ARID5B: variants seen among roughly 807,000 people sequenced by gnomAD.
The protein encoded by ARID5B is AT-rich interactive domain-containing protein 5B.
A neutral mutation model predicts 97.2 loss-of-function variants in ARID5B; 13 were observed. The ratio of observed to expected loss-of-function variants is 0.13; its 90% CI spans 0.09 to 0.21. The LOEUF is 0.21. ARID5B is among the 10% of genes least tolerant of loss of function. The pLI is 1.00. For synonymous variants in ARID5B, 556 were observed against 570.3 expected (o/e 0.97, Z 0.36); for missense variants, 1,210 against 1,465.3 (o/e 0.83, Z 2.84).
chr10:61,902,733 G>C (rs1415947088), intron 2 of ARID5B, among the ~76,000 whole-genome samples: 2 of 151,504 alleles, frequency 1.3e-5, no homozygotes, highest in African/African-American at 4.9e-5. Flanking sequence ...TTGCTCTCCT[G>C]CTATTGCCTC....
chr10:61,926,823 A>G (rs1468303790), intron 2 of ARID5B, among the ~76,000 whole-genome samples: 1 of 151,974 alleles, frequency 6.6e-6, no homozygotes, highest in South Asian at 2.1e-4. Flanking sequence ...ATGGGGTTTC[A>G]TCGTGTTGGC....
intron 2 of ARID5B, among the ~76,000 whole-genome samples, chr10:61,921,913 C>T (rs1017490924): frequency 6.6e-6 from 1 of 152,148 alleles, no homozygotes; most frequent in African/African-American, 2.4e-5. Flanking sequence ...GTGACCACGG[C>T]TCACTGCAGC....
At chr10:62,072,108 C>T (rs537405371) in intron 8 of ARID5B, among the ~76,000 whole-genome samples, 58 of 152,168 alleles carry the variant, frequency 3.8e-4, no homozygotes, top group Non-Finnish European at 5.1e-4. Flanking sequence ...GGAGAATGTG[C>T]CTCAGAGCTG....
intron 5 of ARID5B, among the ~76,000 whole-genome samples, chr10:62,053,622 G>T (rs1839819656): frequency 1.3e-5 from 2 of 152,132 alleles, no homozygotes; most frequent in South Asian, 4.1e-4. Flanking sequence ...ATCTATAACA[G>T]AAATCTTCAT....
At chr10:61,954,507 G>T (rs2132814648) in intron 3 of ARID5B, among the ~76,000 whole-genome samples, 1 of 152,190 alleles carries the variant, frequency 6.6e-6, no homozygotes, top group South Asian at 2.1e-4. Flanking sequence ...ATGCTAGTTG[G>T]CTAGAAAATT....
At chr10:62,034,107 T>C (rs1421411145) in intron 4 of ARID5B, among the ~76,000 whole-genome samples, 2 of 152,218 alleles carry the variant, frequency 1.3e-5, no homozygotes, top group Non-Finnish European at 2.9e-5. Flanking sequence ...CGGGATGTCG[T>C]CCTTTTCTGG....
In ARID5B at chr10:62,048,449, C is replaced by A. The variant is rs888902063; in HGVS notation, c.734-2439C>A. On this transcript the variant is annotated intron_variant, in intron 4 of 9. Transcript: ENST00000279873. ...GTAGGAGAGGAATTTGATTTTGAGT[C>A]CTGAATGACTGGTAGGATTTGCCTA... 3.7e-4 allele frequency among the ~76,000 whole-genome samples: 56 copies of A among 152,272 alleles called. 1 individual carries two copies. Among genetic ancestry groups the A allele is most frequent in the Admixed American group, 1.0e-3 (16 of 15,298 alleles).
chr10:61,957,709 T>TGTTTG (rs1838411193), intron 3 of ARID5B, among the ~76,000 whole-genome samples: 1 of 152,246 alleles, frequency 6.6e-6, no homozygotes, highest in African/African-American at 2.4e-5. Flanking sequence ...CATGTTGAAA[T>TGTTTG]AATATTTTTG....
At chr10:61,990,666 T>A (rs372042929) in intron 3 of ARID5B, among the ~76,000 whole-genome samples, 2 of 152,282 alleles carry the variant, frequency 1.3e-5, no homozygotes, top group African/African-American at 4.8e-5. Context: ...ACACCACTTT[T>A]CCTCCCCAGA....
rs370212394 is a variant in ARID5B, at chr10:62,096,200, C to T, written c.*3170C>T. The T allele has an allele frequency of 1.7e-5, 4 of 233,404 alleles. No individual in the cohort carries two copies. The allele number at this position is 233,404 out of a possible 1,614,324, so 14.5% of individuals were successfully genotyped here. ...ATATACAGAAGGGTTTGTTAAAACT[C>T]GATGTTAACTTTACAACTTTCTGAC... On this transcript the variant is annotated 3_prime_UTR_variant, in exon 10 of 10. Transcript: ENST00000279873.
At chr10:62,061,078 G>A (rs1306885392) in intron 7 of ARID5B, among the ~76,000 whole-genome samples, 1 of 152,212 alleles carries the variant, frequency 6.6e-6, no homozygotes, top group African/African-American at 2.4e-5. Context: ...TATTTACTGA[G>A]TACCTTATGT....
chr10:62,036,198 A>G (rs1839561947), intron 4 of ARID5B, among the ~76,000 whole-genome samples: 1 of 152,162 alleles, frequency 6.6e-6, no homozygotes, highest in Admixed American at 6.5e-5. Context: ...ATGTCAGAGG[A>G]AGCCCAGGAA....
At chr10:62,084,667 A>G (rs1438246846) in intron 8 of ARID5B, among the ~76,000 whole-genome samples, 2 of 152,262 alleles carry the variant, frequency 1.3e-5, no homozygotes, top group Non-Finnish European at 2.9e-5. Flanking sequence ...TTGTAATGCA[A>G]TCCATCCCTT....
intron 4 of ARID5B, among the ~76,000 whole-genome samples, chr10:62,043,121 T>A (rs1839662767): frequency 6.6e-6 from 1 of 152,106 alleles, no homozygotes; most frequent in Non-Finnish European, 1.5e-5. Context: ...CAAGAATGGT[T>A]TCCCCTGGAG....
At chr10:62,072,012 A>G (rs973422307) in intron 8 of ARID5B, among the ~76,000 whole-genome samples, 1 of 152,232 alleles carries the variant, frequency 6.6e-6, no homozygotes, top group Non-Finnish European at 1.5e-5. Context: ...GGTGTGAGGC[A>G]CTAAGTTAAC....
chr10:62,092,096 A>G lies in ARID5B; in HGVS notation c.2633A>G (p.Lys878Arg), dbSNP rs544883046. The change falls in exon 10 of 10, where the codon AAG becomes AGG. Residue 878 changes from lysine to arginine, a missense_variant. Lys to Arg is a conservative substitution (Grantham distance 26). This residue lies in a region of ARID5B where 800 missense variants were observed against 839.1 expected (regional missense o/e 0.95). Transcript: ENST00000279873. Reference sequence around the variant, plus strand: ...TTTCCTTCCCACAGACACCAAGAAAAGCTCCATGTAAATTATCTCACGTCC... The same window carrying G: ...TTTCCTTCCCACAGACACCAAGAAAGGCTCCATGTAAATTATCTCACGTCC... ...SSFPSHRHQE[K>R]LHVNYLTSLH... 9.3e-6 allele frequency: 15 copies of G among 1,613,190 alleles called. No homozygotes were observed. In the African/African-American group the frequency reaches 1.3e-4, roughly 14 times the overall value.
intron 3 of ARID5B, among the ~76,000 whole-genome samples, chr10:61,977,252 T>G (rs1171577340): frequency 6.6e-6 from 1 of 152,254 alleles, no homozygotes; most frequent in African/African-American, 2.4e-5. Context: ...TTATCCAGTC[T>G]ATCATTGATG....
intron 6 of ARID5B, among the ~76,000 whole-genome samples, chr10:62,058,012 G>A (rs987393029): frequency 3.3e-5 from 5 of 152,174 alleles, no homozygotes; most frequent in African/African-American, 4.8e-5. Flanking sequence ...AAAGCGATGA[G>A]CCTCTGGCTT....
chr10:61,999,659 T>C (rs1389865104), intron 3 of ARID5B, among the ~76,000 whole-genome samples: 3 of 152,212 alleles, frequency 2.0e-5, no homozygotes, highest in South Asian at 2.1e-4. Flanking sequence ...CATCGTTCAG[T>C]TGAGGATCAT....
Sources: gnomAD v4.1 joint callset for allele counts (sites outside exome capture counted in the v4.1 genomes callset) on GRCh38, gnomAD v4.1.1 for gene constraint, gnomAD v4.1.1 regional missense constraint, MANE v1.5 for transcripts, NCBI Gene and HGNC (gene_info 2026-07-23, HGNC 2026-07-21) for gene names.